Variants in TBCCD1 observed in about 807,000 individuals in gnomAD.
TBCCD1 encodes the protein TBCC domain containing 1.
Under a neutral mutation model 53.4 loss-of-function variants are expected in TBCCD1, and 26 were observed. The ratio of observed to expected loss-of-function variants is 0.49; its 90% confidence interval spans 0.36 to 0.68. The LOEUF is 0.68. Ranked by LOEUF, TBCCD1 falls within the 30% of genes least tolerant of loss-of-function variation. The pLI, the probability that TBCCD1 is intolerant of heterozygous loss-of-function variation, is 0.00. For synonymous variants in TBCCD1, 245 were observed against 241.7 expected (o/e 1.01, Z -0.13); for missense variants, 558 against 669.5 (o/e 0.83, Z 1.84).
rs991255347 is a variant in TBCCD1 at position 186,560,498 on chromosome 3, C to A, written c.337-1926G>T. Reference sequence around the variant, plus strand: ...TAGATATGGCATAAATGAATTACAGCAACTGAATGTGAATGAATTTATCTT... The same window carrying A: ...TAGATATGGCATAAATGAATTACAGAAACTGAATGTGAATGAATTTATCTT... On this transcript the variant is annotated intron_variant, in intron 2 of 7. Transcript: ENST00000338733. 9.2e-5 allele frequency among the ~76,000 whole-genome samples: 14 copies of A among 152,286 alleles called. No individual in the cohort carries two copies. In the East Asian group the frequency reaches 2.3e-3, roughly 25 times the overall value.
chr3:186,555,946 C>T (rs551988698), intron 4 of TBCCD1, among the ~76,000 whole-genome samples: 9 of 152,220 alleles, frequency 5.9e-5, no homozygotes, highest in African/African-American at 9.6e-5. Context: ...TCAAAAAATA[C>T]GCGCAGGTTC....
At chr3:186,554,837 G>T (rs1041204059) in intron 5 of TBCCD1, 61 bp downstream of exon 5, 36 of 1,596,970 alleles carry the variant, frequency 2.3e-5, no homozygotes, top group Non-Finnish European at 2.9e-5. Flanking sequence ...GGCAAAAAAA[G>T]AATCAGTCAC....
intron 4 of TBCCD1, among the ~76,000 whole-genome samples, chr3:186,555,725 A>G (rs1714521727): frequency 6.6e-6 from 1 of 151,938 alleles, no homozygotes; most frequent in Admixed American, 6.6e-5. Context: ...CGCCTGGCTA[A>G]TTTTTGTATT....
At chr3:186,568,399 T>G (rs959771078), upstream of TBCCD1, among the ~76,000 whole-genome samples, 4 of 152,140 alleles carry the variant, frequency 2.6e-5, no homozygotes, top group Non-Finnish European at 4.4e-5. Context: ...CACTTTGTGG[T>G]GCCAAATTTG....
intron 2 of TBCCD1, among the ~76,000 whole-genome samples, chr3:186,561,547 TG>T: frequency 6.6e-6 from 1 of 152,338 alleles, no homozygotes; most frequent in East Asian, 1.9e-4. Context: ...CCCAGCACTT[TG>T]GGAGGCCGAG....
intron 6 of TBCCD1, among the ~76,000 whole-genome samples, chr3:186,552,307 T>C (rs1714404056): frequency 6.6e-6 from 1 of 152,198 alleles, no homozygotes; most frequent in African/African-American, 2.4e-5. Context: ...GGAGCTAGCC[T>C]AGCACTGTCA....
chr3:186,556,289 T>C lies in TBCCD1; in HGVS notation c.859+120A>G, dbSNP rs1388716412. 9 of 1,143,820 alleles carry C rather than the reference T, an allele frequency of 7.9e-6. No individual in the cohort carries two copies. The African/African-American group carries it at 1.5e-4, about 19-fold the overall frequency. 70.9% of individuals were successfully genotyped at this position (1,143,820 alleles called of 1,614,324 possible). A position where few individuals can be genotyped will look rare whatever the true frequency, so the allele number is the denominator to read the frequency against. Reference sequence around the variant, plus strand: ...AAAGACAGATGTTCCTTTTTCTCTTTTATAGGAGCAGTATTTTTTAGGTCT... The same window carrying C: ...AAAGACAGATGTTCCTTTTTCTCTTCTATAGGAGCAGTATTTTTTAGGTCT... On this transcript the variant is annotated intron_variant, in intron 4 of 7. Coordinates refer to ENST00000338733, the MANE Select transcript of TBCCD1 (RefSeq NM_018138.5).
rs1428439955 is a variant in TBCCD1, at chr3:186,551,196, T to C, written c.1628A>G (p.Asp543Gly). 6.2e-7 allele frequency: 1 copy of C among 1,612,716 alleles called. No individual in the cohort carries two copies. Among genetic ancestry groups the C allele is most frequent in the East Asian group, 2.2e-5 (1 of 44,880 alleles). ...LINTGHRQQL[D>G]SLVPPAAGSK... is the part of the protein sequence containing the mutation. The stretch of plus-strand genomic sequence containing the variant: ...GCCTGCTGCAGGGGGTACAAGGCTG[T>C]CCAGCTGTTGGCGATGTCCTGTATT... The change falls in exon 7 of 8, where the codon GAC (aspartate) becomes GGC (glycine). Residue 543 changes from aspartate to glycine, a missense_variant. By Grantham distance (94) the Asp-to-Gly change is moderately conservative. Coordinates refer to ENST00000338733, the MANE Select transcript of TBCCD1 (RefSeq NM_018138.5).
At chr3:186,555,644 C>T (rs1714519354) in intron 4 of TBCCD1, among the ~76,000 whole-genome samples, 1 of 152,118 alleles carries the variant, frequency 6.6e-6, no homozygotes, top group East Asian at 1.9e-4. Context: ...CTGTAACCTC[C>T]ACCTCCCAGG....
At chr3:186,553,610 T>C (rs1714439687) in intron 6 of TBCCD1, 1 of 152,238 alleles carries the variant, frequency 6.6e-6, no homozygotes, top group Non-Finnish European at 1.5e-5. Context: ...TCACCTGTAA[T>C]AAGGTGTTAT....
chr3:186,568,108 A>G (rs1490092362), upstream of TBCCD1, among the ~76,000 whole-genome samples: 2 of 152,108 alleles, frequency 1.3e-5, no homozygotes, highest in Non-Finnish European at 2.9e-5. Flanking sequence ...CCTACTGGGT[A>G]TCTTCCTGAA....
rs963000274 is a variant in TBCCD1, at chr3:186,546,223, T to A, written c.*754A>T. 2.6e-5 allele frequency: 4 copies of A among 152,226 alleles called. No individual in the cohort carries two copies. The highest frequency in any genetic ancestry group is 9.6e-5 in the African/African-American group (4 of 41,458). The allele number at this position is 152,226 out of a possible 1,614,324, so 9.4% of individuals were successfully genotyped here. On this transcript the variant is annotated 3_prime_UTR_variant, in exon 8 of 8. Coordinates refer to ENST00000338733, the MANE Select transcript of TBCCD1 (RefSeq NM_018138.5). ...ACAAATCATACTTCCTTTCCAATTATTTTTTAAAAGGAGTAGCAATTTCCT... is the reference window on the plus strand; with the variant it reads ...ACAAATCATACTTCCTTTCCAATTAATTTTTAAAAGGAGTAGCAATTTCCT...
intron 7 of TBCCD1, among the ~76,000 whole-genome samples, 191 bp downstream of exon 7, chr3:186,550,938 G>A (rs1350658336): frequency 6.6e-6 from 1 of 152,084 alleles, no homozygotes; most frequent in Non-Finnish European, 1.5e-5. Context: ...AATTCTATAG[G>A]CTCCATCTGA....
rs1714550039 is a variant in TBCCD1 at position 186,556,609 on chromosome 3, A to G, written c.659T>C (p.Ile220Thr). The change falls in exon 4 of 8, where the codon ATA becomes ACA. Residue 220 changes from isoleucine (I) to threonine (T), a missense_variant. Coordinates refer to ENST00000338733, the MANE Select transcript of TBCCD1 (RefSeq NM_018138.5). ...VALSFLIEGT[I>T]SRARKIYPLH... ...TGGATAGATCTTCCTGGCTCTACTTATTGTACCTTCAATAAGGAAGCTGAG... is the reference window on the plus strand; with the variant it reads ...TGGATAGATCTTCCTGGCTCTACTTGTTGTACCTTCAATAAGGAAGCTGAG... 6.2e-7 allele frequency: 1 copy of G among 1,614,184 alleles called. No homozygotes were observed. Among genetic ancestry groups the G allele is most frequent in the Admixed American group, 1.7e-5 (1 of 60,024 alleles).
At chr3:186,562,707 A>C (rs1397666793) in intron 2 of TBCCD1, among the ~76,000 whole-genome samples, 1 of 151,256 alleles carries the variant, frequency 6.6e-6, no homozygotes, top group Non-Finnish European at 1.5e-5. Flanking sequence ...ATACACACAC[A>C]AAATAACAAG....
At chr3:186,550,807 G>A (rs1273359568) in intron 7 of TBCCD1, among the ~76,000 whole-genome samples, 1 of 152,140 alleles carries the variant, frequency 6.6e-6, no homozygotes, top group South Asian at 2.1e-4. Context: ...AAGAGGAAAG[G>A]TTTAGAAAAG....
chr3:186,568,920 A>AAAAAAAAAG (rs1325319763), upstream of TBCCD1, among the ~76,000 whole-genome samples: 138 of 149,510 alleles, frequency 9.2e-4, 1 homozygote, highest in African/African-American at 3.4e-3. Flanking sequence ...AAAAAGAAAT[A>AAAAAAAAAG]AAGAAAAGAA....
intron 7 of TBCCD1, among the ~76,000 whole-genome samples, chr3:186,549,108 T>C (rs1263604164): frequency 6.7e-6 from 1 of 148,394 alleles, no homozygotes. Flanking sequence ...GCCATCATGG[T>C]GAAACCTCGT....
intron 1 of TBCCD1, among the ~76,000 whole-genome samples, chr3:186,564,641 G>A (rs114500435): frequency 2.8e-3 from 422 of 151,834 alleles, no homozygotes; most frequent in African/African-American, 9.7e-3. Flanking sequence ...CATGAAGTCT[G>A]AGTGAGATCC....
Sources: allele counts gnomAD v4.1 joint callset (sites outside exome capture counted in the v4.1 genomes callset), GRCh38; gene constraint gnomAD v4.1.1; transcripts MANE v1.5; gene names NCBI Gene and HGNC (gene_info 2026-07-23, HGNC 2026-07-21).